DNAAF9: variants seen among roughly 807,000 people sequenced by gnomAD.
DNAAF9 encodes the protein dynein axonemal assembly factor 9.
Under a neutral mutation model 167.0 loss-of-function variants are expected in DNAAF9, and 90 were observed. The ratio of observed to expected loss-of-function variants is 0.54; its 90% CI spans 0.45 to 0.64. The LOEUF (loss-of-function observed/expected upper bound fraction) is 0.64, where lower values mean the gene tolerates loss of function less well. DNAAF9 is among the 30% of genes least tolerant of loss of function. The pLI is 0.00. For missense variants in DNAAF9, 1,315 were observed against 1,442.2 expected, an observed-to-expected ratio of 0.91 and a Z score of 1.43; for synonymous variants, 491 against 508.8, an observed-to-expected ratio of 0.96 and a Z score of 0.47.
chr20:3,318,710 C>T (rs1600773520), intron 16 of DNAAF9, among the ~76,000 whole-genome samples: 1 of 152,062 alleles, frequency 6.6e-6, no homozygotes, highest in Non-Finnish European at 1.5e-5. Context: ...CCTGTAATCC[C>T]AGTAATTTGG....
intron 20 of DNAAF9, among the ~76,000 whole-genome samples, chr20:3,305,511 T>A (rs1033415497): frequency 6.6e-6 from 1 of 152,220 alleles, no homozygotes; most frequent in Non-Finnish European, 1.5e-5. Flanking sequence ...TGAAATTGAT[T>A]CCTTAAGTTG....
intron 20 of DNAAF9, among the ~76,000 whole-genome samples, chr20:3,310,333 A>AAAAGAAAGAAAGAAAAAG (rs2069384763): frequency 9.4e-6 from 1 of 106,098 alleles, no homozygotes; most frequent in Non-Finnish European, 1.9e-5. Flanking sequence ...AAGAGAAAGA[A>AAAAGAAAGAAAGAAAAAG]AAAGAAAGAA....
At chr20:3,291,050 A>G (rs1240191432) in intron 25 of DNAAF9, among the ~76,000 whole-genome samples, 5 of 151,928 alleles carry the variant, frequency 3.3e-5, no homozygotes, top group Admixed American at 6.6e-5. Flanking sequence ...TGGCCTCCCA[A>G]AGTGCTGGAA....
chr20:3,263,525 G>C (rs1568564477), intron 31 of DNAAF9, among the ~76,000 whole-genome samples: 1 of 152,224 alleles, frequency 6.6e-6, no homozygotes, highest in Non-Finnish European at 1.5e-5. Flanking sequence ...ACCTGGGTTT[G>C]AAATCCAGTT....
intron 6 of DNAAF9, chr20:3,361,905 G>C: frequency 1.3e-6 from 2 of 1,499,412 alleles, no homozygotes; most frequent in East Asian, 2.3e-5. Flanking sequence ...CTGTCCTTCA[G>C]GTGGCTGAGG....
chr20:3,324,847 A>C (rs1456383173), intron 14 of DNAAF9, 45 bp downstream of exon 14: 1 of 969,776 alleles, frequency 1.0e-6, no homozygotes, highest in Non-Finnish European at 1.6e-6. Flanking sequence ...ATATTCCAAA[A>C]CGAAGAAAAA....
chr20:3,358,254 T>C (rs2083315384), intron 7 of DNAAF9, among the ~76,000 whole-genome samples: 2 of 152,118 alleles, frequency 1.3e-5, no homozygotes, highest in South Asian at 2.1e-4. Context: ...GTGTTGACCA[T>C]TGTGGGACAA....
intron 18 of DNAAF9, among the ~76,000 whole-genome samples, 185 bp downstream of exon 18, chr20:3,316,536 TGA>T (rs1480532767): frequency 1.3e-5 from 2 of 152,186 alleles, no homozygotes; most frequent in Non-Finnish European, 2.9e-5. Flanking sequence ...TCTAAGATTA[TGA>T]GAGTTAACGG....
intron 20 of DNAAF9, among the ~76,000 whole-genome samples, chr20:3,308,649 C>A (rs965459708): frequency 6.6e-6 from 1 of 151,524 alleles, no homozygotes; most frequent in East Asian, 2.0e-4. Flanking sequence ...AGACCAAAAC[C>A]TTCATTTTTA....
chr20:3,374,340 G>A (rs922110766), intron 5 of DNAAF9, among the ~76,000 whole-genome samples, 186 bp from the exon 6 acceptor site: 1 of 152,164 alleles, frequency 6.6e-6, no homozygotes, highest in Non-Finnish European at 1.5e-5. Flanking sequence ...GAAAGTCAAG[G>A]AAAATTCAAA....
chr20:3,340,433 T>TCCCTC, intron 10 of DNAAF9, 71 bp downstream of exon 10: 3 of 221,214 alleles, frequency 1.4e-5, no homozygotes, highest in East Asian at 1.2e-4. Flanking sequence ...TTTGTCTAGC[T>TCCCTC]CCCCCCACCC....
chr20:3,334,556 G>C (rs1226262738), intron 10 of DNAAF9, among the ~76,000 whole-genome samples: 1 of 152,096 alleles, frequency 6.6e-6, no homozygotes, highest in Non-Finnish European at 1.5e-5. Flanking sequence ...TTAATTCTTT[G>C]GGTAAATACC....
At position 3,335,494 on chromosome 20, in the gene DNAAF9, C is replaced by T. The variant is rs572361146; in HGVS notation, c.982-3133G>A. ...ATTGTTGGCCGGGCATGGTGGGTCA[C>T]GCCTGTAATCCTAGCACTTTGGGAG... On this transcript the variant is annotated intron_variant, in intron 10 of 36. Transcript: ENST00000252032. 1.4e-4 allele frequency among the ~76,000 whole-genome samples: 21 copies of T among 152,172 alleles called. No individual in the cohort carries two copies. In the East Asian group the frequency reaches 2.9e-3, roughly 21 times the overall value.
At chr20:3,264,102 T>C (rs534630671) in intron 31 of DNAAF9, among the ~76,000 whole-genome samples, 1 of 152,328 alleles carries the variant, frequency 6.6e-6, no homozygotes, top group South Asian at 2.1e-4. Context: ...GAAGCGAGTC[T>C]CACCTGGGAA....
Position 3,294,215 on chromosome 20 carries a change from G to A in DNAAF9, c.2162C>T (p.Pro721Leu). The A allele has an allele frequency of 6.2e-7, 1 of 1,613,242 alleles. No individual in the cohort carries two copies. The highest frequency in any genetic ancestry group is 8.5e-7 in the Non-Finnish European group (1 of 1,179,232). ...CACAGGAAGATGGGTCCGCATCACA[G>A]GCTCCTGGCTAATGCTGCTGATGGC... is the stretch of plus-strand genomic sequence containing the variant. ...HFAISSISQEPVMRTHLPVLL... is the reference protein window; with the variant it reads ...HFAISSISQELVMRTHLPVLL... The change falls in exon 25 of 37, where the codon CCT becomes CTT. Residue 721 changes from proline (P) to leucine (L), a missense_variant. By Grantham distance (98) the Pro-to-Leu change is moderately conservative (BLOSUM62 -3). Coordinates refer to ENST00000252032, the MANE Select transcript of DNAAF9 (RefSeq NM_001009984.3).
At chr20:3,372,920 C>A (rs1193496521) in intron 6 of DNAAF9, among the ~76,000 whole-genome samples, 1 of 152,136 alleles carries the variant, frequency 6.6e-6, no homozygotes, top group Non-Finnish European at 1.5e-5. Context: ...TAAATATTAC[C>A]ATTATTAATT....
At chr20:3,272,460 C>G (rs879460169) in intron 29 of DNAAF9, among the ~76,000 whole-genome samples, 4 of 152,086 alleles carry the variant, frequency 2.6e-5, no homozygotes, top group Non-Finnish European at 5.9e-5. Flanking sequence ...CTCCTGGGCT[C>G]AAGTGATCCT....
intron 23 of DNAAF9, chr20:3,296,260 C>T: frequency 2.3e-6 from 1 of 438,496 alleles, no homozygotes; most frequent in Non-Finnish European, 4.5e-6. Context: ...CAGAGTAAGA[C>T]ACTGGGCGCC....
chr20:3,367,124 T>C (rs1214634461), intron 6 of DNAAF9, among the ~76,000 whole-genome samples: 1 of 152,174 alleles, frequency 6.6e-6, no homozygotes, highest in Non-Finnish European at 1.5e-5. Flanking sequence ...TCTTGCACTT[T>C]TATGTTTTAG....
Sources: allele counts gnomAD v4.1 joint callset (sites outside exome capture counted in the v4.1 genomes callset), GRCh38; gene constraint gnomAD v4.1.1; transcripts MANE v1.5; gene names NCBI Gene and HGNC (gene_info 2026-07-23, HGNC 2026-07-21).